Variants in ZFPM1 observed in about 807,000 individuals in gnomAD.
The protein encoded by ZFPM1 is zinc finger protein ZFPM1.
ZFPM1 carries 28 observed loss-of-function variants against 46.3 expected under a neutral mutation model. The ratio of observed to expected loss-of-function variants is 0.60; its 90% CI spans 0.45 to 0.83. The LOEUF is 0.83. ZFPM1 is among the 40% of genes least tolerant of loss of function. The pLI is 0.00. For synonymous variants in ZFPM1, 957 were observed against 675.9 expected (o/e 1.42, Z -6.45); for missense variants, 1,878 against 1,432.4 (o/e 1.31, Z -5.02).
intron 3 of ZFPM1, among the ~76,000 whole-genome samples, chr16:88,496,517 G>A (rs1376740492): frequency 2.0e-5 from 3 of 152,146 alleles, no homozygotes; most frequent in Middle Eastern, 3.4e-3. Flanking sequence ...TGGGCCTTTG[G>A]TGGAGGAGAG....
At chr16:88,504,941 G>A (rs1910567702) in intron 3 of ZFPM1, among the ~76,000 whole-genome samples, 2 of 152,180 alleles carry the variant, frequency 1.3e-5, no homozygotes, top group South Asian at 2.1e-4. Flanking sequence ...CTGCAGGAGA[G>A]CTGGGCCCCA....
At chr16:88,517,810 G>A (rs1178869905) in intron 4 of ZFPM1, among the ~76,000 whole-genome samples, 1 of 124,550 alleles carries the variant, frequency 8.0e-6, no homozygotes, top group Non-Finnish European at 1.6e-5. Flanking sequence ...GGCTGAAAGG[G>A]TGGGTGGGTA....
At chr16:88,482,949 G>C (rs1185533078) in intron 1 of ZFPM1, among the ~76,000 whole-genome samples, 1 of 152,236 alleles carries the variant, frequency 6.6e-6, no homozygotes, top group South Asian at 2.1e-4. Context: ...GGAGGCCTCG[G>C]TGGCTGCTTT....
intron 3 of ZFPM1, among the ~76,000 whole-genome samples, chr16:88,508,164 G>T (rs1910760977): frequency 6.6e-6 from 1 of 152,146 alleles, no homozygotes; most frequent in Admixed American, 6.5e-5. Flanking sequence ...GGGTGCGGTG[G>T]CGCGCACCTG....
intron 3 of ZFPM1, among the ~76,000 whole-genome samples, chr16:88,494,682 G>T (rs146957140): frequency 6.6e-5 from 10 of 152,132 alleles, no homozygotes; most frequent in African/African-American, 1.2e-4. Context: ...GGGCCTGAGT[G>T]GGGGGCGAGG....
chr16:88,464,454 T>G (rs550963852), intron 1 of ZFPM1, among the ~76,000 whole-genome samples: 1 of 152,344 alleles, frequency 6.6e-6, no homozygotes, highest in South Asian at 2.1e-4. Flanking sequence ...GTCTTTCCAC[T>G]TCGTGGGCCT....
rs965553085 is a variant in ZFPM1 at position 88,536,334 on chromosome 16, G to T, written c.*1355G>T. On this transcript the variant is annotated 3_prime_UTR_variant, in exon 10 of 10. Transcript: ENST00000319555. ...CTACAGGCTTGACCCACCACACCTGGCTAACTTTTAAAACATTTTTATAGA... is the reference window on the plus strand; with the variant it reads ...CTACAGGCTTGACCCACCACACCTGTCTAACTTTTAAAACATTTTTATAGA... The T allele has an allele frequency of 6.6e-6, 1 of 152,100 alleles. No individual in the cohort carries two copies. The highest frequency in any genetic ancestry group is 1.5e-5 in the Non-Finnish European group (1 of 68,032). The allele number at this position is 152,100 out of a possible 1,614,324, so 9.4% of individuals were successfully genotyped here. A position where few individuals can be genotyped will look rare whatever the true frequency, so the allele number is the denominator to read the frequency against.
At position 88,532,934 on chromosome 16, in the gene ZFPM1, A is replaced by G. The variant is rs1912912880; in HGVS notation, c.1188A>G (p.Pro396=). 1 of 1,612,808 alleles carries G rather than the reference A, an allele frequency of 6.2e-7. No individual in the cohort carries two copies. Among genetic ancestry groups the G allele is most frequent in the Non-Finnish European group, 8.5e-7 (1 of 1,179,962 alleles). ...GAGHPATKLP[P]DSLGSFQQQH... is the part of the protein sequence containing the mutation. The stretch of plus-strand genomic sequence containing the variant: ...GACACCCAGCAACCAAGCTGCCCCC[A>G]GGTGAGCAGCCCTGTGGGGGCCACC... Residue 396 remains proline (P), a splice_region_variant and synonymous_variant, in exon 9 of 10, where the codon CCA becomes CCG. Transcript: ENST00000319555.
chr16:88,532,248 C>G lies in ZFPM1; in HGVS notation c.946+13C>G. The G allele has an allele frequency of 6.3e-7, 1 of 1,581,096 alleles. No homozygotes were observed. Among genetic ancestry groups the G allele is most frequent in the Non-Finnish European group, 8.6e-7 (1 of 1,160,450 alleles). Reference sequence around the variant, plus strand: ...CGCAGCCACAGCGGTGAGCCCCCACCCCGGACGCGGGTCCTCAGGATGCCG... The same window carrying G: ...CGCAGCCACAGCGGTGAGCCCCCACGCCGGACGCGGGTCCTCAGGATGCCG... On this transcript the variant is annotated intron_variant, in intron 7 of 9. Coordinates refer to ENST00000319555, the MANE Select transcript of ZFPM1 (RefSeq NM_153813.3).
intron 3 of ZFPM1, among the ~76,000 whole-genome samples, chr16:88,496,029 C>T (rs1909912215): frequency 6.6e-6 from 1 of 152,140 alleles, no homozygotes; most frequent in South Asian, 2.1e-4. Flanking sequence ...TGAGCCTGGG[C>T]TCCATGTGGC....
intron 3 of ZFPM1, among the ~76,000 whole-genome samples, chr16:88,504,180 C>G (rs1248457917): frequency 6.6e-6 from 1 of 152,060 alleles, no homozygotes; most frequent in African/African-American, 2.4e-5. Context: ...AAGAAAGGGC[C>G]CTCAGCGGCA....
chr16:88,525,989 C>T (rs1450473475), intron 4 of ZFPM1, among the ~76,000 whole-genome samples: 1 of 152,248 alleles, frequency 6.6e-6, no homozygotes, highest in African/African-American at 2.4e-5. Flanking sequence ...CTCCCCTTCC[C>T]AGGCCTCAGT....
chr16:88,483,570 T>C (rs1384080834), intron 1 of ZFPM1, among the ~76,000 whole-genome samples: 1 of 152,166 alleles, frequency 6.6e-6, no homozygotes, highest in Non-Finnish European at 1.5e-5. Flanking sequence ...TTTTTCTGTC[T>C]TTCTCTCATG....
intron 4 of ZFPM1, among the ~76,000 whole-genome samples, chr16:88,524,551 A>C (rs1238736872): frequency 1.3e-5 from 2 of 152,178 alleles, no homozygotes; most frequent in Non-Finnish European, 2.9e-5. Context: ...GCTGCCCCGG[A>C]CATGCCCTGT....
At chr16:88,473,920 G>A (rs1045191307) in intron 1 of ZFPM1, among the ~76,000 whole-genome samples, 1 of 152,176 alleles carries the variant, frequency 6.6e-6, no homozygotes, top group Non-Finnish European at 1.5e-5. Flanking sequence ...TCTTCCGCAA[G>A]GGGTTTAGTA....
At chr16:88,454,135 G>A (rs1907426860) in intron 1 of ZFPM1, among the ~76,000 whole-genome samples, 1 of 152,312 alleles carries the variant, frequency 6.6e-6, no homozygotes. Flanking sequence ...CCCAGGCTTT[G>A]TATCTAGAAG....
chr16:88,521,731 TGTG>T (rs1911910220), intron 4 of ZFPM1, among the ~76,000 whole-genome samples: 1 of 76,096 alleles, frequency 1.3e-5, no homozygotes, highest in African/African-American at 6.5e-5. Flanking sequence ...CCCCCTCCCC[TGTG>T]CTGTTCCCAC....
rs1225115641 is a variant in ZFPM1, at chr16:88,497,887, A to G, written c.268+8734A>G. Among the ~76,000 whole-genome samples the G allele has an allele frequency of 1.3e-5, 2 of 152,090 alleles. No individual in the cohort carries two copies. Among genetic ancestry groups the G allele is most frequent in the African/African-American group, 2.4e-5 (1 of 41,422 alleles). On this transcript the variant is annotated intron_variant, in intron 3 of 9. Coordinates refer to ENST00000319555, the MANE Select transcript of ZFPM1 (RefSeq NM_153813.3). The surrounding 1 kb of genome is among the most constrained non-coding windows in gnomAD (Gnocchi z 5.4). Reference sequence around the variant, plus strand: ...CCGGCGGAGCGTCTACGCAAACCTCAAGGCCTGCTATCGGGTGGAGGCTGA... The same window carrying G: ...CCGGCGGAGCGTCTACGCAAACCTCGAGGCCTGCTATCGGGTGGAGGCTGA...
At position 88,534,057 on chromosome 16, in the gene ZFPM1, T is replaced by C; in HGVS notation, c.2099T>C (p.Val700Ala). The C allele has an allele frequency of 3.1e-6, 4 of 1,303,380 alleles. No homozygotes were observed. The highest frequency in any genetic ancestry group is 5.2e-5 in the East Asian group (1 of 19,218). The allele number at this position is 1,303,380 out of a possible 1,614,324, so 80.7% of individuals were successfully genotyped here. A position where few individuals can be genotyped will look rare whatever the true frequency, so the allele number is the denominator to read the frequency against. Residue 700 changes from valine (V) to alanine (A), a missense_variant, in exon 10 of 10, where the codon GTG becomes GCG. Coordinates refer to ENST00000319555, the MANE Select transcript of ZFPM1 (RefSeq NM_153813.3). ...TTCAGCCGCCACGAGACCTACACCGTGCACAAGCGGTACTACTGCGCCTCG... is the reference window on the plus strand; with the variant it reads ...TTCAGCCGCCACGAGACCTACACCGCGCACAAGCGGTACTACTGCGCCTCG... ...IRFSRHETYTVHKRYYCASRH... is the reference protein window; with the variant it reads ...IRFSRHETYTAHKRYYCASRH...
Sources: allele counts gnomAD v4.1 joint callset (sites outside exome capture counted in the v4.1 genomes callset), GRCh38; gene constraint gnomAD v4.1.1; non-coding constraint Gnocchi (gnomAD v3.1); transcripts MANE v1.5; gene names NCBI Gene and HGNC (gene_info 2026-07-23, HGNC 2026-07-21).